The following TRERF1 variants were observed in gnomAD, a reference collection of about 807,000 sequenced individuals.
TRERF1 encodes the protein transcriptional regulating factor 1.
Under a neutral mutation model 122.9 loss-of-function variants are expected in TRERF1, and 27 were observed. The ratio of observed to expected loss-of-function variants is 0.22; its 90% confidence interval spans 0.16 to 0.30. TRERF1 has a LOEUF of 0.30. Ranked by LOEUF, TRERF1 falls within the 10% of genes least tolerant of loss-of-function variation. The pLI is 1.00. For missense variants in TRERF1, 1,248 were observed against 1,560.3 expected (o/e 0.80, Z 3.37); for synonymous variants, 636 against 641.7 (o/e 0.99, Z 0.13).
At chr6:42,377,146 G>A (rs778361355) in intron 2 of TRERF1, among the ~76,000 whole-genome samples, 9 of 152,190 alleles carry the variant, frequency 5.9e-5, no homozygotes, top group Non-Finnish European at 8.8e-5. Context: ...AATTACAGGC[G>A]TGAGCCACTG....
intron 6 of TRERF1, 144 bp downstream of exon 6, chr6:42,265,607 T>C: frequency 1.1e-6 from 1 of 879,344 alleles, no homozygotes; most frequent in Non-Finnish European, 1.8e-6. Flanking sequence ...TAGCCCATAG[T>C]ATGCACTCAA....
intron 9 of TRERF1, among the ~76,000 whole-genome samples, chr6:42,258,885 C>T (rs1777265277): frequency 6.6e-6 from 1 of 152,194 alleles, no homozygotes; most frequent in African/African-American, 2.4e-5. Flanking sequence ...CAGGTGCGTG[C>T]CACCATGCCC....
chr6:42,229,336 C>G (rs1190886310), intron 17 of TRERF1, among the ~76,000 whole-genome samples: 1 of 152,080 alleles, frequency 6.6e-6, no homozygotes, highest in Non-Finnish European at 1.5e-5. Flanking sequence ...TGGAGTCTTG[C>G]TATGTTGCCC....
intron 4 of TRERF1, among the ~76,000 whole-genome samples, chr6:42,291,455 A>G (rs1263073115): frequency 6.6e-6 from 1 of 151,490 alleles, no homozygotes; most frequent in African/African-American, 2.4e-5. Flanking sequence ...TTACACTAAA[A>G]AAAAAAAAAA....
intron 4 of TRERF1, among the ~76,000 whole-genome samples, chr6:42,300,270 G>T (rs1336881600): frequency 6.6e-6 from 1 of 152,188 alleles, no homozygotes; most frequent in Non-Finnish European, 1.5e-5. Context: ...CAGGTACTGG[G>T]ACTCTCAGGT....
intron 3 of TRERF1, among the ~76,000 whole-genome samples, chr6:42,332,135 G>A (rs980257285): frequency 2.0e-5 from 3 of 152,188 alleles, no homozygotes; most frequent in Non-Finnish European, 4.4e-5. Context: ...TAGAGACAGG[G>A]TTTCGCCATG....
chr6:42,283,094 C>T (rs1372701174), intron 4 of TRERF1, among the ~76,000 whole-genome samples: 1 of 152,180 alleles, frequency 6.6e-6, no homozygotes, highest in Non-Finnish European at 1.5e-5. Flanking sequence ...TAGCATTACA[C>T]TTGGAGGCCA....
chr6:42,289,527 T>C (rs1331616384), intron 4 of TRERF1, among the ~76,000 whole-genome samples: 1 of 151,930 alleles, frequency 6.6e-6, no homozygotes, highest in Non-Finnish European at 1.5e-5. Context: ...AGAAAGAAAA[T>C]TCTACACATT....
At chr6:42,305,995 CTTTTTTTTTTTT>C (rs55700516) in intron 3 of TRERF1, among the ~76,000 whole-genome samples, 3 of 69,496 alleles carry the variant, frequency 4.3e-5, no homozygotes, top group African/African-American at 5.9e-5. Flanking sequence ...AATATCTCTC[CTTTTTTTTTTTT>C]TTTTTTTTTT....
intron 2 of TRERF1, among the ~76,000 whole-genome samples, chr6:42,427,293 C>G (rs890036693): frequency 6.6e-6 from 1 of 152,294 alleles, no homozygotes; most frequent in Non-Finnish European, 1.5e-5. Flanking sequence ...AGGTCTCACT[C>G]TACCACCCAG....
chr6:42,311,569 C>G lies in TRERF1; in HGVS notation c.-370-10820G>C, dbSNP rs546776362. On this transcript the variant is annotated intron_variant, in intron 3 of 17. Coordinates refer to ENST00000372922, the Ensembl canonical transcript of TRERF1. ...CACAAGGTCAGGAGATCGAGACCAT[C>G]CTGGCTAACATGATGAAACCCCGTC... Among the ~76,000 whole-genome samples, 319 of 151,976 alleles carry G rather than the reference C, an allele frequency of 2.1e-3. 1 individual carries two copies. Among genetic ancestry groups the G allele is most frequent in the African/African-American group, 7.0e-3 (292 of 41,462 alleles).
At chr6:42,306,150 C>A (rs893561023) in intron 3 of TRERF1, among the ~76,000 whole-genome samples, 4 of 151,808 alleles carry the variant, frequency 2.6e-5, no homozygotes, top group African/African-American at 9.7e-5. Context: ...TACAGGCATG[C>A]GCCACCATGC....
intron 2 of TRERF1, among the ~76,000 whole-genome samples, chr6:42,412,176 T>C (rs942462761): frequency 1.3e-5 from 2 of 152,072 alleles, no homozygotes; most frequent in African/African-American, 4.8e-5. Context: ...AATTTTGGTA[T>C]TTTCAGTAGA....
intron 2 of TRERF1, among the ~76,000 whole-genome samples, chr6:42,370,842 A>C (rs1359233024): frequency 1.3e-5 from 2 of 152,048 alleles, no homozygotes; most frequent in East Asian, 3.9e-4. Context: ...GTCACCCCCT[A>C]TCAGCTCTCC....
chr6:42,256,235 A>G (rs1292565554), intron 12 of TRERF1, among the ~76,000 whole-genome samples: 1 of 152,186 alleles, frequency 6.6e-6, no homozygotes, highest in Non-Finnish European at 1.5e-5. Context: ...CATCTGCAGA[A>G]CTGTGTTAAA....
At chr6:42,323,430 C>G (rs966321302) in intron 3 of TRERF1, among the ~76,000 whole-genome samples, 1 of 152,080 alleles carries the variant, frequency 6.6e-6, no homozygotes, top group African/African-American at 2.4e-5. Flanking sequence ...AACTCCTGAC[C>G]TCGTGATCCA....
intron 2 of TRERF1, among the ~76,000 whole-genome samples, chr6:42,412,313 TA>T (rs905911949): frequency 2.6e-5 from 4 of 152,174 alleles, no homozygotes; most frequent in African/African-American, 7.2e-5. Flanking sequence ...AAGAAATCTT[TA>T]AAAATATTTT....
At chr6:42,388,345 A>G (rs1402616679) in intron 2 of TRERF1, among the ~76,000 whole-genome samples, 1 of 151,912 alleles carries the variant, frequency 6.6e-6, no homozygotes, top group Non-Finnish European at 1.5e-5. Context: ...ACACAGGTAG[A>G]TGGTGCCCAA....
At chr6:42,240,859 T>A (rs1773523465) in intron 15 of TRERF1, among the ~76,000 whole-genome samples, 2 of 152,202 alleles carry the variant, frequency 1.3e-5, no homozygotes, top group South Asian at 4.1e-4. Flanking sequence ...CTGCTTTTAG[T>A]TGACTGAACT....
Sources: allele counts gnomAD v4.1 joint callset (sites outside exome capture counted in the v4.1 genomes callset), GRCh38; gene constraint gnomAD v4.1.1; transcripts MANE v1.5; gene names NCBI Gene and HGNC (gene_info 2026-07-23, HGNC 2026-07-21).